The following SNX29 variants were observed in gnomAD, a reference collection of about 807,000 sequenced individuals.
SNX29 encodes sorting nexin-29.
SNX29 carries 78 observed loss-of-function variants against 102.1 expected under a neutral mutation model. The ratio of observed to expected loss-of-function variants is 0.76; its 90% CI spans 0.64 to 0.92. SNX29 has a LOEUF of 0.92. SNX29 is among the 40% of genes least tolerant of loss of function. The pLI is 0.00. For missense variants in SNX29, 1,280 were observed against 1,061.7 expected, an observed-to-expected ratio of 1.21 and a Z score of -2.86; for synonymous variants, 580 against 414.5, an observed-to-expected ratio of 1.40 and a Z score of -4.85.
At chr16:12,280,631 A>C (rs141991360) in intron 15 of SNX29, among the ~76,000 whole-genome samples, 4 of 152,304 alleles carry the variant, frequency 2.6e-5, no homozygotes, top group African/African-American at 4.8e-5. Flanking sequence ...CATTTACTGC[A>C]CCGGATTGAT....
chr16:12,007,798 T>A (rs1321171196), intron 3 of SNX29, among the ~76,000 whole-genome samples: 1 of 152,184 alleles, frequency 6.6e-6, no homozygotes, highest in African/African-American at 2.4e-5. Context: ...CCTCACCTCA[T>A]GCTCCCTTGA....
chr16:12,483,118 T>TTGTTTTG (rs1555549927), intron 19 of SNX29, among the ~76,000 whole-genome samples: 1 of 101,380 alleles, frequency 9.9e-6, no homozygotes, highest in Non-Finnish European at 1.9e-5. Context: ...TATTAAGTTT[T>TTGTTTTG]TTTTTTTTTT....
At chr16:12,520,267 G>A (rs1346248306) in intron 19 of SNX29, among the ~76,000 whole-genome samples, 1 of 152,222 alleles carries the variant, frequency 6.6e-6, no homozygotes, top group Admixed American at 6.5e-5. Flanking sequence ...TCACAAGGCA[G>A]ATGGCTTCTC....
At chr16:12,097,794 G>A (rs1204704598) in intron 11 of SNX29, among the ~76,000 whole-genome samples, 2 of 152,216 alleles carry the variant, frequency 1.3e-5, no homozygotes, top group East Asian at 3.9e-4. Context: ...TCGCTCAGGG[G>A]ATGAGACGCG....
At chr16:12,532,939 A>C (rs957047066) in intron 20 of SNX29, among the ~76,000 whole-genome samples, 10 of 152,210 alleles carry the variant, frequency 6.6e-5, no homozygotes, top group Admixed American at 3.3e-4. Context: ...CTCTGCTGCC[A>C]AGTTGGCTGC....
intron 20 of SNX29, among the ~76,000 whole-genome samples, chr16:12,539,333 A>C (rs1276646887): frequency 6.6e-6 from 1 of 151,654 alleles, no homozygotes; most frequent in Non-Finnish European, 1.5e-5. Context: ...TCTTTTCAAG[A>C]ATGTCACATA....
intron 15 of SNX29, among the ~76,000 whole-genome samples, chr16:12,297,840 G>A (rs2080034094): frequency 6.6e-6 from 1 of 152,126 alleles, no homozygotes; most frequent in Non-Finnish European, 1.5e-5. Flanking sequence ...CAGCTTTGCT[G>A]AACCTCACTT....
At chr16:12,059,354 G>T (rs1446515699) in intron 8 of SNX29, among the ~76,000 whole-genome samples, 2 of 152,326 alleles carry the variant, frequency 1.3e-5, no homozygotes, top group Admixed American at 1.3e-4. Flanking sequence ...CCTCAGGAGG[G>T]CGCCTCTTGA....
chr16:12,565,068 C>T (rs932946464), intron 20 of SNX29, among the ~76,000 whole-genome samples: 3 of 152,098 alleles, frequency 2.0e-5, no homozygotes, highest in African/African-American at 2.4e-5. Flanking sequence ...AGCAAAGGGG[C>T]CCAGTGGGGA....
chr16:12,532,635 C>A (rs2076962615), intron 20 of SNX29, among the ~76,000 whole-genome samples: 1 of 152,142 alleles, frequency 6.6e-6, no homozygotes, highest in Non-Finnish European at 1.5e-5. Flanking sequence ...ATGCGATTTC[C>A]TGATATAAAA....
At chr16:12,095,256 CTT>C in intron 11 of SNX29, 2 of 152,288 alleles carry the variant, frequency 1.3e-5, no homozygotes, top group African/African-American at 4.8e-5. Context: ...AGTTTCTACT[CTT>C]GAGTTAATTT....
intron 16 of SNX29, among the ~76,000 whole-genome samples, chr16:12,396,136 T>C (rs143271225): frequency 6.1e-4 from 93 of 152,298 alleles, no homozygotes; most frequent in African/African-American, 2.1e-3. Context: ...ATATCCCCTG[T>C]TCAAAATGTT....
chr16:12,535,004 C>G (rs28611314), intron 20 of SNX29, among the ~76,000 whole-genome samples: 2,637 of 152,268 alleles, frequency 0.017, 81 homozygotes, highest in African/African-American at 0.059. Flanking sequence ...GAAGCCCAGA[C>G]CTGGCCTGAG....
intron 20 of SNX29, among the ~76,000 whole-genome samples, chr16:12,538,113 C>T (rs989881721): frequency 2.4e-5 from 3 of 126,116 alleles, no homozygotes; most frequent in African/African-American, 9.3e-5. Context: ...TCTGCATTTC[C>T]CCTTGCATTT....
At chr16:12,223,865 C>G (rs955225134) in intron 14 of SNX29, among the ~76,000 whole-genome samples, 2 of 152,186 alleles carry the variant, frequency 1.3e-5, no homozygotes, top group Non-Finnish European at 2.9e-5. Flanking sequence ...TGGCCAGTGG[C>G]TCGTGGAATC....
intron 19 of SNX29, among the ~76,000 whole-genome samples, chr16:12,486,086 C>T (rs1489825237): frequency 6.6e-6 from 1 of 152,242 alleles, no homozygotes; most frequent in East Asian, 1.9e-4. Flanking sequence ...TTTCTAGAGA[C>T]TCCAGGGGAT....
At chr16:12,428,370 C>G (rs1303526985) in intron 18 of SNX29, among the ~76,000 whole-genome samples, 3 of 152,032 alleles carry the variant, frequency 2.0e-5, no homozygotes, top group African/African-American at 7.2e-5. Flanking sequence ...TAAGGTAAGA[C>G]CAGTCTTAGC....
intron 15 of SNX29, chr16:12,297,444 C>A (rs1003564993): frequency 6.6e-6 from 1 of 152,104 alleles, no homozygotes; most frequent in African/African-American, 2.4e-5. Flanking sequence ...ATGACTGCCC[C>A]CAAGCCAAAG....
intron 14 of SNX29, among the ~76,000 whole-genome samples, chr16:12,217,318 C>T (rs1425626764): frequency 6.6e-6 from 1 of 152,224 alleles, no homozygotes; most frequent in Non-Finnish European, 1.5e-5. Flanking sequence ...CCATGCCCAG[C>T]CCCCAACACC....
Sources: gnomAD v4.1 joint callset for allele counts (sites outside exome capture counted in the v4.1 genomes callset) on GRCh38, gnomAD v4.1.1 for gene constraint, MANE v1.5 for transcripts, NCBI Gene and HGNC (gene_info 2026-07-23, HGNC 2026-07-21) for gene names.